The following CREBBP variants were observed in gnomAD, a reference collection of about 807,000 sequenced individuals.
The protein encoded by CREBBP is CREB binding lysine acetyltransferase, also known as CREB-binding protein.
CREBBP carries 19 observed loss-of-function variants against 265.0 expected under a neutral mutation model. The ratio of observed to expected loss-of-function variants is 0.07; its 90% confidence interval spans 0.05 to 0.11. The LOEUF (loss-of-function observed/expected upper bound fraction) is 0.11, where lower values mean the gene tolerates loss of function less well. Ranked by LOEUF, CREBBP falls within the 10% of genes least tolerant of loss-of-function variation. CREBBP has a pLI of 1.00. For missense variants in CREBBP, 2,525 were observed against 3,219.0 expected (o/e 0.78, Z 5.22); for synonymous variants, 1,457 against 1,223.7 (o/e 1.19, Z -3.98).
At chr16:3,858,766 CT>C (rs1204474101) in intron 1 of CREBBP, among the ~76,000 whole-genome samples, 22 of 152,314 alleles carry the variant, frequency 1.4e-4, no homozygotes, top group Middle Eastern at 6.8e-3. Flanking sequence ...CTCTTTAAGA[CT>C]TTTTCCTATT....
At chr16:3,813,253 C>G (rs1235805523) in intron 2 of CREBBP, among the ~76,000 whole-genome samples, 1 of 152,210 alleles carries the variant, frequency 6.6e-6, no homozygotes, top group Non-Finnish European at 1.5e-5. Flanking sequence ...GGAAAGCAAT[C>G]ACATTCTTGT....
At chr16:3,784,811 T>C (rs143318447) in intron 5 of CREBBP, among the ~76,000 whole-genome samples, 1,558 of 152,300 alleles carry the variant, frequency 0.01, 15 homozygotes, top group Middle Eastern at 0.034. Flanking sequence ...ACTCCTAAGC[T>C]CACAGCACTT....
chr16:3,731,567 G>A lies in CREBBP; in HGVS notation c.4891-94C>T. On this transcript the variant is annotated intron_variant, in intron 29 of 30. Transcript: ENST00000262367. The surrounding 1 kb of genome is among the most constrained non-coding windows in gnomAD (Gnocchi z 7.7). ...GCGCAGCCACCCAGCCTGCAGAATAGGCAGGTGGCTGAGCCTGATGGCCCT... is the reference window on the plus strand; with the variant it reads ...GCGCAGCCACCCAGCCTGCAGAATAAGCAGGTGGCTGAGCCTGATGGCCCT... The A allele has an allele frequency of 1.3e-6, 2 of 1,488,978 alleles. No individual in the cohort carries two copies. The highest frequency in any genetic ancestry group is 1.2e-5 in the South Asian group (1 of 85,184). 92.2% of individuals were successfully genotyped at this position (1,488,978 alleles called of 1,614,324 possible). A position where few individuals can be genotyped will look rare whatever the true frequency, so the allele number is the denominator to read the frequency against.
At chr16:3,779,810 C>G (rs1210237573) in intron 8 of CREBBP, among the ~76,000 whole-genome samples, 2 of 152,198 alleles carry the variant, frequency 1.3e-5, no homozygotes, top group African/African-American at 4.8e-5. Context: ...TTTAAAATAA[C>G]TAGCTCAACA....
In CREBBP at chr16:3,783,963, G is replaced by A. The variant is rs3789032; in HGVS notation, c.1331-1037C>T. 1.6e-3 allele frequency among the ~76,000 whole-genome samples: 245 copies of A among 152,228 alleles called. 3 individuals carry two copies. In the East Asian group the frequency reaches 0.035, roughly 21 times the overall value. ...CTGTTTGCCTGCCCCCTCATCTGTC[G>A]CAACAACCCAAATGCTGTTGTGTGA... is the stretch of plus-strand genomic sequence containing the variant. On this transcript the variant is annotated intron_variant, in intron 5 of 30. Coordinates refer to ENST00000262367, the MANE Select transcript of CREBBP (RefSeq NM_004380.3).
intron 1 of CREBBP, among the ~76,000 whole-genome samples, chr16:3,876,740 G>A (rs932154605): frequency 1.3e-5 from 2 of 152,122 alleles, no homozygotes; most frequent in African/African-American, 4.8e-5. Flanking sequence ...CTTCAGTGGG[G>A]TGAAAGGTAC....
At chr16:3,755,615 T>A (rs1385924836) in intron 19 of CREBBP, among the ~76,000 whole-genome samples, 2 of 152,180 alleles carry the variant, frequency 1.3e-5, no homozygotes, top group Non-Finnish European at 2.9e-5. Context: ...TGGGGTCTGC[T>A]GAAGGTCATG....
intron 1 of CREBBP, among the ~76,000 whole-genome samples, chr16:3,879,040 G>C (rs1306870991): frequency 2.4e-5 from 3 of 126,180 alleles, no homozygotes; most frequent in Admixed American, 1.6e-4. Flanking sequence ...TTAATTCTTT[G>C]TACATCTACA....
chr16:3,873,059 C>A (rs2055332704), intron 1 of CREBBP, among the ~76,000 whole-genome samples: 1 of 152,174 alleles, frequency 6.6e-6, no homozygotes, highest in South Asian at 2.1e-4. Flanking sequence ...AGTTTTGCCT[C>A]GAGGTTTCAT....
intron 3 of CREBBP, among the ~76,000 whole-genome samples, chr16:3,800,502 TC>T (rs1567323436): frequency 2.0e-5 from 3 of 152,130 alleles, no homozygotes; most frequent in Admixed American, 6.6e-5. Context: ...TTTAGACTTT[TC>T]CCAATTTTTC....
chr16:3,854,469 T>C (rs2054919176), intron 1 of CREBBP, among the ~76,000 whole-genome samples: 1 of 152,196 alleles, frequency 6.6e-6, no homozygotes, highest in Admixed American at 6.5e-5. Flanking sequence ...ACCTTCAAAC[T>C]TCATGTTATG....
chr16:3,826,310 G>C lies in CREBBP; in HGVS notation c.799-15531C>G, dbSNP rs1250402949. Among the ~76,000 whole-genome samples, 4 of 152,298 alleles carry C rather than the reference G, an allele frequency of 2.6e-5. No individual in the cohort carries two copies. In the East Asian group the frequency reaches 7.7e-4, roughly 29 times the overall value. On this transcript the variant is annotated intron_variant, in intron 2 of 30. Coordinates refer to ENST00000262367, the MANE Select transcript of CREBBP (RefSeq NM_004380.3). ...TTTAGTAAAAAACTATGAAGAGACA[G>C]ATCTCCCACACTGAAGAAGTCTAAA...
At chr16:3,848,950 A>T (rs1217669490) in intron 2 of CREBBP, among the ~76,000 whole-genome samples, 1 of 152,226 alleles carries the variant, frequency 6.6e-6, no homozygotes, top group Admixed American at 6.5e-5. Flanking sequence ...GTTAAAAAAA[A>T]ATCCTCTCGT....
chr16:3,871,199 TCACA>T lies in CREBBP; in HGVS notation c.85+8629_85+8632del, dbSNP rs1037838119. Among the ~76,000 whole-genome samples the T allele has an allele frequency of 8.6e-3, 426 of 49,782 alleles. 2 individuals carry two copies. Among genetic ancestry groups the T allele is most frequent in the African/African-American group, 0.024 (399 of 16,854 alleles). The allele number at this position is 49,782 out of a possible 152,430, so 32.7% of individuals were successfully genotyped here. On this transcript the variant is annotated intron_variant, in intron 1 of 30. Transcript: ENST00000262367. Reference sequence around the variant, plus strand: ...ATCTCTCTCTCTCTCTCTCTCTCACTCACACACACACACACACACACACACACAC... The same window carrying T: ...ATCTCTCTCTCTCTCTCTCTCTCACTCACACACACACACACACACACACAC...
chr16:3,853,346 C>T (rs539199058), intron 1 of CREBBP, among the ~76,000 whole-genome samples: 7 of 152,346 alleles, frequency 4.6e-5, no homozygotes, highest in African/African-American at 1.7e-4. Context: ...TGCGGTGGCT[C>T]ACGCCTGTAA....
At chr16:3,800,477 G>A (rs1316643321) in intron 3 of CREBBP, among the ~76,000 whole-genome samples, 2 of 151,638 alleles carry the variant, frequency 1.3e-5, no homozygotes, top group East Asian at 3.9e-4. Flanking sequence ...AGACGAGCCT[G>A]CTTTGTTTTT....
chr16:3,778,893 G>A (rs952618517), intron 8 of CREBBP, 76 bp from the exon 9 acceptor site: 83 of 1,282,080 alleles, frequency 6.5e-5, no homozygotes, highest in African/African-American at 2.5e-4. Flanking sequence ...TCGTCCAGGC[G>A]CGGTGGCTCA....
intron 2 of CREBBP, among the ~76,000 whole-genome samples, chr16:3,818,791 G>A (rs901075281): frequency 6.6e-6 from 1 of 152,162 alleles, no homozygotes; most frequent in Non-Finnish European, 1.5e-5. Flanking sequence ...CACACAAAAA[G>A]GAACCAAAAT....
At chr16:3,774,287 G>C (rs147658748) in intron 12 of CREBBP, among the ~76,000 whole-genome samples, 296 of 152,306 alleles carry the variant, frequency 1.9e-3, no homozygotes, top group African/African-American at 6.7e-3. Context: ...ACAATTCCCT[G>C]CTGGCCACAT....
Sources: allele counts gnomAD v4.1 joint callset (sites outside exome capture counted in the v4.1 genomes callset), GRCh38; gene constraint gnomAD v4.1.1; non-coding constraint Gnocchi (gnomAD v3.1); transcripts MANE v1.5; gene names NCBI Gene and HGNC (gene_info 2026-07-23, HGNC 2026-07-21).